The following SLC67A2 variants were observed in gnomAD, a reference collection of about 807,000 sequenced individuals.
The protein encoded by SLC67A2 is solute carrier family 67 member 2.
At chr2:102,726,717 C>T in the SLC67A2 span, 3 of 1,362,374 alleles carry the variant, frequency 2.2e-6, no homozygotes, top group Admixed American at 2.5e-5. Context: ...CCCTTCTGAA[C>T]ACTCTTTAAG....
chr2:102,717,954 G>C, the SLC67A2 span: 1 of 158,808 alleles, frequency 6.3e-6, no homozygotes, highest in Non-Finnish European at 1.4e-5. Context: ...CCCTCCTAGT[G>C]TATGGAATTT....
At chr2:102,725,192 T>A in the SLC67A2 span, among the ~76,000 whole-genome samples, 2 of 152,128 alleles carry the variant, frequency 1.3e-5, no homozygotes, top group African/African-American at 4.8e-5. Flanking sequence ...GGTTCCTTTT[T>A]AGGACACAAG....
At chr2:102,726,470 A>G in the SLC67A2 span, among the ~76,000 whole-genome samples, 1 of 152,214 alleles carries the variant, frequency 6.6e-6, no homozygotes, top group African/African-American at 2.4e-5. Context: ...TGCCTGGCCC[A>G]TGCTAAATGT....
At chr2:102,715,284 A>G in the SLC67A2 span, among the ~76,000 whole-genome samples, 4 of 152,200 alleles carry the variant, frequency 2.6e-5, no homozygotes, top group African/African-American at 9.7e-5. Context: ...CAACCCGAGC[A>G]TGGCAGCCGA....
At chr2:102,728,665 G>A in the SLC67A2 span, among the ~76,000 whole-genome samples, 3 of 151,894 alleles carry the variant, frequency 2.0e-5, no homozygotes, top group Non-Finnish European at 4.4e-5. Flanking sequence ...GTACTCACAG[G>A]GCAGTGGTAT....
At chr2:102,736,880 A>T in the SLC67A2 span, 1 of 1,489,334 alleles carries the variant, frequency 6.7e-7, no homozygotes, top group Non-Finnish European at 8.9e-7. Context: ...CCCCGCCCCG[A>T]GCGGAAGCAG....
At chr2:102,736,433 A>C in the SLC67A2 span, 2 of 1,343,014 alleles carry the variant, frequency 1.5e-6, no homozygotes, top group Non-Finnish European at 2.0e-6. Context: ...ACGGGGTGCA[A>C]GAGAAAGCGC....
the SLC67A2 span, chr2:102,736,693 C>G: frequency 1.2e-6 from 2 of 1,613,454 alleles, no homozygotes; most frequent in East Asian, 2.2e-5. Context: ...CGGGCTCCGA[C>G]GGCACCGGAG....
chr2:102,733,510 T>C, the SLC67A2 span, among the ~76,000 whole-genome samples: 1 of 152,220 alleles, frequency 6.6e-6, no homozygotes, highest in Non-Finnish European at 1.5e-5. Context: ...TTATCTAATA[T>C]CAAGTGACTA....
At chr2:102,730,573 C>T in the SLC67A2 span, among the ~76,000 whole-genome samples, 19 of 149,456 alleles carry the variant, frequency 1.3e-4, no homozygotes, top group African/African-American at 3.2e-4. Flanking sequence ...GACAGAGTCT[C>T]GCTCTGTCGT....
the SLC67A2 span, among the ~76,000 whole-genome samples, chr2:102,720,889 G>C: frequency 6.6e-6 from 1 of 152,224 alleles, no homozygotes; most frequent in Non-Finnish European, 1.5e-5. Context: ...AGGATGGCAA[G>C]ACTGGAATGA....
the SLC67A2 span, among the ~76,000 whole-genome samples, chr2:102,735,148 G>T: frequency 6.6e-6 from 1 of 152,190 alleles, no homozygotes; most frequent in Admixed American, 6.5e-5. Context: ...GCATCCCCAT[G>T]CTGAGAATGA....
chr2:102,729,570 G>A, the SLC67A2 span, among the ~76,000 whole-genome samples: 2 of 152,196 alleles, frequency 1.3e-5, no homozygotes, highest in Admixed American at 1.3e-4. Context: ...TGACAAGCAA[G>A]TGCACTGCTC....
At chr2:102,728,987 TTAAAA>T in the SLC67A2 span, among the ~76,000 whole-genome samples, 1 of 152,238 alleles carries the variant, frequency 6.6e-6, no homozygotes, top group Non-Finnish European at 1.5e-5. Context: ...TCATTTTTTA[TTAAAA>T]TACATTTATT....
the SLC67A2 span, among the ~76,000 whole-genome samples, chr2:102,731,725 T>C: frequency 6.6e-6 from 1 of 152,314 alleles, no homozygotes; most frequent in South Asian, 2.1e-4. Context: ...TTGTTTGGCT[T>C]GTGAATGATC....
At chr2:102,735,743 T>C in the SLC67A2 span, among the ~76,000 whole-genome samples, 1 of 152,174 alleles carries the variant, frequency 6.6e-6, no homozygotes. Flanking sequence ...CCGCAGCACC[T>C]GCCACATGGC....
At chr2:102,721,906 A>G in the SLC67A2 span, among the ~76,000 whole-genome samples, 4 of 152,046 alleles carry the variant, frequency 2.6e-5, no homozygotes, top group African/African-American at 9.7e-5. Context: ...GGGTCTCACT[A>G]TCTTTCCCAG....
At chr2:102,728,805 A>G in the SLC67A2 span, among the ~76,000 whole-genome samples, 1 of 152,140 alleles carries the variant, frequency 6.6e-6, no homozygotes, top group Non-Finnish European at 1.5e-5. Context: ...CCTGTAAAAC[A>G]AGAATAATAT....
At chr2:102,720,851 G>A in the SLC67A2 span, among the ~76,000 whole-genome samples, 1 of 152,168 alleles carries the variant, frequency 6.6e-6, no homozygotes, top group South Asian at 2.1e-4. Flanking sequence ...AAGCGTTGAC[G>A]AAAACAGCTA....
Sources: gnomAD v4.1 joint callset for allele counts (sites outside exome capture counted in the v4.1 genomes callset) on GRCh38, gnomAD v4.1.1 for gene constraint, MANE v1.5 for transcripts, NCBI Gene and HGNC (gene_info 2026-07-23, HGNC 2026-07-21) for gene names.